SLC24A4: variants seen among roughly 807,000 people sequenced by gnomAD.
The protein encoded by SLC24A4 is sodium/potassium/calcium exchanger 4.
A neutral mutation model predicts 79.0 loss-of-function variants in SLC24A4; 53 were observed. The ratio of observed to expected loss-of-function variants is 0.67; its 90% CI spans 0.54 to 0.84. The LOEUF (loss-of-function observed/expected upper bound fraction) is 0.84. SLC24A4 is among the 40% of genes least tolerant of loss of function. The pLI, the probability that SLC24A4 is intolerant of heterozygous loss-of-function variation, is 0.00. For missense variants in SLC24A4, 731 were observed against 822.0 expected, an observed-to-expected ratio of 0.89 and a Z score of 1.35; for synonymous variants, 323 against 323.8, an observed-to-expected ratio of 1.00 and a Z score of 0.03.
intron 2 of SLC24A4, among the ~76,000 whole-genome samples, chr14:92,358,475 A>T (rs1411403206): frequency 6.6e-6 from 1 of 151,800 alleles, no homozygotes; most frequent in East Asian, 1.9e-4. Flanking sequence ...ATGACCGCTC[A>T]CTCCGCTTGT....
chr14:92,467,909 G>A (rs775604583), intron 12 of SLC24A4, among the ~76,000 whole-genome samples: 21 of 152,166 alleles, frequency 1.4e-4, no homozygotes, highest in Non-Finnish European at 2.6e-4. Context: ...GTAGTGCCTC[G>A]CCACTTCTAT....
intron 2 of SLC24A4, 104 bp from the exon 3 acceptor site, chr14:92,433,808 C>G (rs946437416): frequency 2.7e-5 from 25 of 935,648 alleles, no homozygotes; most frequent in Middle Eastern, 2.1e-4. Flanking sequence ...CAGTCCAAAG[C>G]GAGGTGGGCT....
intron 3 of SLC24A4, among the ~76,000 whole-genome samples, chr14:92,435,026 G>A (rs1473614266): frequency 1.3e-5 from 2 of 152,030 alleles, no homozygotes; most frequent in African/African-American, 4.8e-5. Context: ...CACCTGCCTC[G>A]GCCTCCCAAA....
At chr14:92,440,033 C>T (rs2139806336) in intron 4 of SLC24A4, among the ~76,000 whole-genome samples, 1 of 152,340 alleles carries the variant, frequency 6.6e-6, no homozygotes, top group Middle Eastern at 3.4e-3. Flanking sequence ...GCTTTACCAC[C>T]CTTCATCCCT....
At chr14:92,437,199 C>T (rs1055534088) in intron 3 of SLC24A4, among the ~76,000 whole-genome samples, 8 of 152,222 alleles carry the variant, frequency 5.3e-5, no homozygotes, top group Non-Finnish European at 7.3e-5. Flanking sequence ...TCCCTCCAAC[C>T]TCATATTCTC....
At chr14:92,431,751 T>G (rs1891883377) in intron 2 of SLC24A4, among the ~76,000 whole-genome samples, 1 of 151,970 alleles carries the variant, frequency 6.6e-6, no homozygotes, top group South Asian at 2.1e-4. Context: ...GCTGAACAAG[T>G]AGAAGTAGCA....
chr14:92,482,782 T>A lies in SLC24A4; in HGVS notation c.1358T>A (p.Phe453Tyr). The A allele has an allele frequency of 1.2e-6, 2 of 1,614,090 alleles. No homozygotes were observed. Among genetic ancestry groups the A allele is most frequent in the Non-Finnish European group, 1.7e-6 (2 of 1,180,006 alleles). ...NCSKPRWEKFFMVTFITATLW... is the reference protein window; with the variant it reads ...NCSKPRWEKFYMVTFITATLW... ...AGCAAGCCCCGCTGGGAGAAGTTCT[T>A]CATGGTCACCTTCATCACCGCCACG... The change falls in exon 13 of 17, where the codon TTC (phenylalanine) becomes TAC (tyrosine). Residue 453 changes from phenylalanine to tyrosine, a missense_variant. By Grantham distance (22) the Phe-to-Tyr change is conservative (BLOSUM62 3). Coordinates refer to ENST00000532405, the MANE Select transcript of SLC24A4 (RefSeq NM_153646.4).
At chr14:92,420,490 AT>A (rs1471456341) in intron 2 of SLC24A4, among the ~76,000 whole-genome samples, 38 of 152,138 alleles carry the variant, frequency 2.5e-4, no homozygotes, top group Admixed American at 2.5e-3. Flanking sequence ...AAAAAAAAAA[AT>A]CTGTTGTTTT....
chr14:92,326,453 C>A (rs778193619), intron 2 of SLC24A4, among the ~76,000 whole-genome samples: 1 of 150,952 alleles, frequency 6.6e-6, no homozygotes, highest in Non-Finnish European at 1.5e-5. Flanking sequence ...GGCTGTTTCT[C>A]TCAAATGGGA....
chr14:92,381,380 A>G (rs1297182190), intron 2 of SLC24A4, among the ~76,000 whole-genome samples: 1 of 152,180 alleles, frequency 6.6e-6, no homozygotes, highest in Non-Finnish European at 1.5e-5. Context: ...GAGCTGAACA[A>G]TGAGAACACA....
intron 2 of SLC24A4, among the ~76,000 whole-genome samples, chr14:92,380,170 C>T (rs1445770127): frequency 6.6e-6 from 1 of 152,218 alleles, no homozygotes; most frequent in Non-Finnish European, 1.5e-5. Context: ...GAAGGCAGAA[C>T]AGGCTGGCAG....
chr14:92,329,728 A>G (rs1403149969), intron 2 of SLC24A4, among the ~76,000 whole-genome samples: 2 of 152,194 alleles, frequency 1.3e-5, no homozygotes, highest in African/African-American at 4.8e-5. Context: ...GGTGGCCTCA[A>G]ACTCCTAGGC....
chr14:92,332,609 G>A (rs1177771646), intron 2 of SLC24A4, among the ~76,000 whole-genome samples: 2 of 152,168 alleles, frequency 1.3e-5, no homozygotes, highest in East Asian at 1.9e-4. Flanking sequence ...TCAGCTGAGT[G>A]GGGGATTGGT....
chr14:92,368,022 GGGAA>G (rs1230081221), intron 2 of SLC24A4, among the ~76,000 whole-genome samples: 1 of 152,210 alleles, frequency 6.6e-6, no homozygotes, highest in Non-Finnish European at 1.5e-5. Context: ...TCATTAATGA[GGGAA>G]GCAGCAGGAT....
chr14:92,418,991 C>G (rs559351069), intron 2 of SLC24A4, among the ~76,000 whole-genome samples: 1 of 152,286 alleles, frequency 6.6e-6, no homozygotes, highest in East Asian at 1.9e-4. Flanking sequence ...CATGAGCCAC[C>G]GCACCCGGCC....
intron 2 of SLC24A4, among the ~76,000 whole-genome samples, chr14:92,332,002 G>A (rs987315546): frequency 6.6e-6 from 1 of 152,188 alleles, no homozygotes; most frequent in Non-Finnish European, 1.5e-5. Context: ...AAACAGGCCA[G>A]GTGTGGTGGC....
intron 2 of SLC24A4, among the ~76,000 whole-genome samples, chr14:92,406,887 A>G (rs1333267881): frequency 6.6e-6 from 1 of 152,248 alleles, no homozygotes; most frequent in Non-Finnish European, 1.5e-5. Context: ...AGATTTCCGC[A>G]GCTGGCTTAA....
intron 2 of SLC24A4, among the ~76,000 whole-genome samples, chr14:92,388,497 C>CA (rs1889291014): frequency 1.3e-5 from 2 of 152,224 alleles, no homozygotes; most frequent in Non-Finnish European, 2.9e-5. Context: ...AATGAAGACC[C>CA]ACAGGCGTTG....
rs182903954 is a variant in SLC24A4, at chr14:92,366,962, G to A, written c.241+40984G>A. Among the ~76,000 whole-genome samples the A allele has an allele frequency of 5.4e-3, 829 of 152,322 alleles. 7 individuals are homozygous for A. The highest frequency in any genetic ancestry group is 7.7e-3 in the Non-Finnish European group (523 of 68,022). The stretch of plus-strand genomic sequence containing the variant: ...AACGGGGTGTCTTGTTCTGGGGTCA[G>A]TGCCTTCCTGGCCCTCCTGGCTCAG... On this transcript the variant is annotated intron_variant, in intron 2 of 16. Transcript: ENST00000532405.
Sources: gnomAD v4.1 joint callset for allele counts (sites outside exome capture counted in the v4.1 genomes callset) on GRCh38, gnomAD v4.1.1 for gene constraint, MANE v1.5 for transcripts, NCBI Gene and HGNC (gene_info 2026-07-23, HGNC 2026-07-21) for gene names.